ANGPT1: variants seen among roughly 807,000 people sequenced by gnomAD.
The protein encoded by ANGPT1 is angiopoietin-1.
Under a neutral mutation model 62.2 loss-of-function variants are expected in ANGPT1, and 17 were observed. The ratio of observed to expected loss-of-function variants is 0.27; its 90% CI spans 0.19 to 0.41. The LOEUF (loss-of-function observed/expected upper bound fraction) is 0.41, where lower values mean the gene tolerates loss of function less well. Among genes scored for constraint, ANGPT1 ranks in the 10% least tolerant of loss-of-function variants. ANGPT1 has a pLI of 1.00. For synonymous variants in ANGPT1, 199 were observed against 198.9 expected, an observed-to-expected ratio of 1.00 and a Z score of 0.00; for missense variants, 478 against 594.9, an observed-to-expected ratio of 0.80 and a Z score of 2.04.
chr8:107,408,779 G>A (rs1451524087), intron 1 of ANGPT1, among the ~76,000 whole-genome samples: 3 of 152,140 alleles, frequency 2.0e-5, no homozygotes, highest in African/African-American at 7.2e-5. Context: ...CACACAATGA[G>A]GCTTTAGAGG....
intron 1 of ANGPT1, among the ~76,000 whole-genome samples, chr8:107,360,089 C>A (rs1194100680): frequency 6.6e-6 from 1 of 152,136 alleles, no homozygotes; most frequent in Non-Finnish European, 1.5e-5. Flanking sequence ...TAGTCTTACT[C>A]CCTACCTGCC....
At chr8:107,264,172 G>T (rs747070730) in intron 8 of ANGPT1, 49 bp downstream of exon 8, 1 of 1,572,974 alleles carries the variant, frequency 6.4e-7, no homozygotes, top group South Asian at 1.2e-5. Flanking sequence ...GAAACCTTAA[G>T]CCCCAAACCA....
chr8:107,470,290 A>G (rs977932319), intron 1 of ANGPT1, among the ~76,000 whole-genome samples: 6 of 152,196 alleles, frequency 3.9e-5, no homozygotes, highest in South Asian at 2.1e-4. Context: ...TTCTTACTCA[A>G]TTTTGAAGAC....
chr8:107,460,895 C>T (rs79779337), intron 1 of ANGPT1, among the ~76,000 whole-genome samples: 8,065 of 152,078 alleles, frequency 0.053, 238 homozygotes, highest in South Asian at 0.11. Flanking sequence ...AATTTATCTT[C>T]GACCTTTTGT....
At chr8:107,310,755 C>T (rs142178962) in intron 4 of ANGPT1, among the ~76,000 whole-genome samples, 1 of 152,232 alleles carries the variant, frequency 6.6e-6, no homozygotes, top group East Asian at 1.9e-4. Flanking sequence ...TTATCATGTT[C>T]ATACCCTTAA....
At chr8:107,305,094 G>A (rs901967800) in intron 4 of ANGPT1, among the ~76,000 whole-genome samples, 3 of 151,766 alleles carry the variant, frequency 2.0e-5, no homozygotes, top group Non-Finnish European at 4.4e-5. Flanking sequence ...CTAACTTTAC[G>A]GACTGCTATT....
intron 1 of ANGPT1, among the ~76,000 whole-genome samples, chr8:107,413,457 G>T (rs1810646030): frequency 6.6e-6 from 1 of 152,040 alleles, no homozygotes; most frequent in Non-Finnish European, 1.5e-5. Flanking sequence ...AGTGAAGTGA[G>T]TGAGGTACTT....
chr8:107,278,040 A>C (rs1171904968), intron 7 of ANGPT1, among the ~76,000 whole-genome samples: 4 of 152,070 alleles, frequency 2.6e-5, no homozygotes, highest in Non-Finnish European at 5.9e-5. Flanking sequence ...GGGCATGATA[A>C]AAATTTAATT....
At chr8:107,477,244 T>C (rs1812557703) in intron 1 of ANGPT1, among the ~76,000 whole-genome samples, 1 of 152,198 alleles carries the variant, frequency 6.6e-6, no homozygotes, top group South Asian at 2.1e-4. Flanking sequence ...TCCATTCGTT[T>C]ATTAACTACA....
intron 7 of ANGPT1, among the ~76,000 whole-genome samples, chr8:107,270,654 T>C (rs1002742536): frequency 7.9e-5 from 12 of 152,176 alleles, no homozygotes; most frequent in African/African-American, 2.4e-4. Context: ...CCTGGAGATA[T>C]ATTCTATAAC....
intron 1 of ANGPT1, among the ~76,000 whole-genome samples, chr8:107,354,273 C>T (rs969541193): frequency 1.3e-5 from 2 of 152,130 alleles, no homozygotes; most frequent in African/African-American, 2.4e-5. Context: ...CATATTTGCA[C>T]GTCTGCTTAA....
At chr8:107,355,207 C>T (rs1187623639) in intron 1 of ANGPT1, among the ~76,000 whole-genome samples, 3 of 152,046 alleles carry the variant, frequency 2.0e-5, no homozygotes, top group Non-Finnish European at 4.4e-5. Context: ...TCGCCCTCTG[C>T]TGTCTCTTGA....
chr8:107,427,998 C>T (rs147223931), intron 1 of ANGPT1, among the ~76,000 whole-genome samples: 5,378 of 152,148 alleles, frequency 0.035, 130 homozygotes, highest in Non-Finnish European at 0.049. Context: ...GGGATCCCTG[C>T]GTTACAAATT....
intron 1 of ANGPT1, among the ~76,000 whole-genome samples, chr8:107,372,229 G>A (rs1816430359): frequency 6.6e-6 from 1 of 151,972 alleles, no homozygotes. Context: ...GTGCCTCCCA[G>A]CTGTAACAAG....
intron 1 of ANGPT1, among the ~76,000 whole-genome samples, chr8:107,390,136 T>C (rs1816807511): frequency 6.6e-6 from 1 of 152,164 alleles, no homozygotes. Context: ...TTTTAACACA[T>C]CATTCACTCT....
chr8:107,467,770 G>A (rs1175024013), intron 1 of ANGPT1, among the ~76,000 whole-genome samples: 1 of 152,084 alleles, frequency 6.6e-6, no homozygotes, highest in Admixed American at 6.6e-5. Flanking sequence ...AAAAGGAAAT[G>A]TTAAGGAGGT....
At chr8:107,425,072 A>C (rs181380724) in intron 1 of ANGPT1, among the ~76,000 whole-genome samples, 27 of 152,158 alleles carry the variant, frequency 1.8e-4, no homozygotes, top group African/African-American at 6.3e-4. Flanking sequence ...ACAGGGTTTC[A>C]CCATCTTGGC....
chr8:107,405,572 G>T (rs1198595087), intron 1 of ANGPT1, among the ~76,000 whole-genome samples: 1 of 151,906 alleles, frequency 6.6e-6, no homozygotes, highest in African/African-American at 2.4e-5. Context: ...TGTTTATAAG[G>T]TGTATATAAA....
chr8:107,287,449 T>C (rs1384293694), intron 6 of ANGPT1, among the ~76,000 whole-genome samples: 6 of 152,164 alleles, frequency 3.9e-5, no homozygotes, highest in Admixed American at 2.6e-4. Context: ...CTAACATTTA[T>C]TTCGAGCTCC....
Sources: allele counts gnomAD v4.1 joint callset (sites outside exome capture counted in the v4.1 genomes callset), GRCh38; gene constraint gnomAD v4.1.1; transcripts MANE v1.5; gene names NCBI Gene and HGNC (gene_info 2026-07-23, HGNC 2026-07-21).